The following SPOCK1 variants were observed in gnomAD, a reference collection of about 807,000 sequenced individuals.
SPOCK1 encodes testican-1.
Under a neutral mutation model 55.3 loss-of-function variants are expected in SPOCK1, and 23 were observed. The observed-to-expected ratio is 0.42, with a 90% CI of 0.30 to 0.59. The LOEUF is 0.59. Among genes scored for constraint, SPOCK1 ranks in the 20% least tolerant of loss-of-function variants. SPOCK1 has a pLI of 0.22. For synonymous variants in SPOCK1, 226 were observed against 221.0 expected, an observed-to-expected ratio of 1.02 and a Z score of -0.20; for missense variants, 499 against 552.5, an observed-to-expected ratio of 0.90 and a Z score of 0.97.
At chr5:137,203,052 G>A (rs903707224) in intron 3 of SPOCK1, among the ~76,000 whole-genome samples, 1 of 152,126 alleles carries the variant, frequency 6.6e-6, no homozygotes, top group African/African-American at 2.4e-5. Flanking sequence ...AACAAATGAT[G>A]ATAGTTCAGC....
intron 2 of SPOCK1, among the ~76,000 whole-genome samples, chr5:137,336,905 C>T (rs1229738): frequency 0.2 from 30,047 of 152,062 alleles, 3,094 homozygotes; most frequent in East Asian, 0.26. Context: ...AAAAGGGCTC[C>T]TAGGGCAGGT....
intron 6 of SPOCK1, among the ~76,000 whole-genome samples, chr5:137,053,777 T>C (rs2126999086): frequency 6.6e-6 from 1 of 152,256 alleles, no homozygotes; most frequent in East Asian, 1.9e-4. Flanking sequence ...TCCCTGTTTG[T>C]TATAAAAGCA....
At chr5:137,260,447 T>A (rs1756725065) in intron 3 of SPOCK1, among the ~76,000 whole-genome samples, 2 of 152,192 alleles carry the variant, frequency 1.3e-5, no homozygotes, top group Non-Finnish European at 2.9e-5. Context: ...GAGGGAAACA[T>A]TAATTTCTAT....
intron 5 of SPOCK1, among the ~76,000 whole-genome samples, chr5:137,079,027 C>T (rs973568056): frequency 4.6e-5 from 7 of 152,206 alleles, no homozygotes; most frequent in East Asian, 1.9e-4. Flanking sequence ...TTGCAGACCA[C>T]GCTTACTCCC....
chr5:136,983,209 T>TTATTTAGTGGAACAATC (rs1750766846), intron 9 of SPOCK1, among the ~76,000 whole-genome samples: 1 of 152,176 alleles, frequency 6.6e-6, no homozygotes, highest in Non-Finnish European at 1.5e-5. Context: ...AATTTGCCTT[T>TTATTTAGTGGAACAATC]TATTTAGTGG....
chr5:137,215,542 C>T (rs952951856), intron 3 of SPOCK1, among the ~76,000 whole-genome samples: 3 of 152,308 alleles, frequency 2.0e-5, no homozygotes, highest in East Asian at 1.9e-4. Context: ...TAATTTTACA[C>T]ATTTTTTATA....
chr5:137,188,737 A>C (rs1755120175), intron 3 of SPOCK1, among the ~76,000 whole-genome samples: 2 of 152,250 alleles, frequency 1.3e-5, no homozygotes, highest in African/African-American at 4.8e-5. Flanking sequence ...CTTTAAATCA[A>C]AAGCTATAAA....
At chr5:137,418,207 A>T (rs1433872942) in intron 2 of SPOCK1, among the ~76,000 whole-genome samples, 5 of 152,000 alleles carry the variant, frequency 3.3e-5, no homozygotes, top group South Asian at 2.1e-4. Context: ...TCTATCATTG[A>T]TGGACATTTG....
chr5:137,040,872 G>A (rs1237299808), intron 6 of SPOCK1, among the ~76,000 whole-genome samples: 3 of 152,114 alleles, frequency 2.0e-5, no homozygotes, highest in Non-Finnish European at 2.9e-5. Context: ...CACTGGCCAA[G>A]GAAATTGTTC....
At chr5:136,991,855 A>G (rs747792271) in intron 7 of SPOCK1, among the ~76,000 whole-genome samples, 15 of 152,174 alleles carry the variant, frequency 9.9e-5, no homozygotes, top group Non-Finnish European at 1.9e-4. Flanking sequence ...GTCTCTGCCA[A>G]CTCAGCACCT....
rs191209924 is a variant in SPOCK1, at chr5:137,128,304, G to A, written c.347+12276C>T. 2.3e-3 allele frequency among the ~76,000 whole-genome samples: 354 copies of A among 152,272 alleles called. 2 individuals carry two copies. The highest frequency in any genetic ancestry group is 7.5e-3 in the African/African-American group (310 of 41,562). Reference sequence around the variant, plus strand: ...TATAAGCTGCCCAGTCTATAGTATCGTCTTATAGCAACCCAAATGGACTAA... The same window carrying A: ...TATAAGCTGCCCAGTCTATAGTATCATCTTATAGCAACCCAAATGGACTAA... On this transcript the variant is annotated intron_variant, in intron 4 of 10. Coordinates refer to ENST00000394945, the MANE Select transcript of SPOCK1 (RefSeq NM_004598.4).
rs1011496067 is a variant in SPOCK1 at position 136,978,423 on chromosome 5, A to C, written c.*231T>G. On this transcript the variant is annotated 3_prime_UTR_variant, in exon 11 of 11. Transcript: ENST00000394945. ...CTCTAATTAAGCCAATGACTTCCCT[A>C]TCCAAAAAATAAACAACAACAAAAA... 12 of 396,744 alleles carry C rather than the reference A, an allele frequency of 3.0e-5. No homozygotes were observed. Among genetic ancestry groups the C allele is most frequent in the African/African-American group, 2.2e-4 (10 of 44,594 alleles). The allele number at this position is 396,744 out of a possible 1,614,324, so 24.6% of individuals were successfully genotyped here.
chr5:137,498,317 G>T (rs1754346147), intron 2 of SPOCK1, 56 bp downstream of exon 2: 1 of 1,478,402 alleles, frequency 6.8e-7, no homozygotes, highest in East Asian at 2.5e-5. Flanking sequence ...CCCCGCTTCA[G>T]GGGTCCCCTC....
chr5:137,044,653 A>T lies in SPOCK1; in HGVS notation c.589+23062T>A, dbSNP rs575218275. 2.0e-5 allele frequency among the ~76,000 whole-genome samples: 3 copies of T among 150,854 alleles called. No homozygotes were observed. In the East Asian group the frequency reaches 5.8e-4, roughly 29 times the overall value. ...ATAAATGACTATTTCTTTTTTTTTTATTATTATACTTTAAGTTTTAGGGTA... is the reference window on the plus strand; with the variant it reads ...ATAAATGACTATTTCTTTTTTTTTTTTTATTATACTTTAAGTTTTAGGGTA... On this transcript the variant is annotated intron_variant, in intron 6 of 10. Coordinates refer to ENST00000394945, the MANE Select transcript of SPOCK1 (RefSeq NM_004598.4).
intron 2 of SPOCK1, chr5:137,313,489 C>T: frequency 1.0e-6 from 1 of 985,428 alleles, no homozygotes; most frequent in African/African-American, 1.7e-5. Context: ...GTGACACCCA[C>T]CCAAAACAAG....
chr5:137,425,583 C>T (rs751365288), intron 2 of SPOCK1, among the ~76,000 whole-genome samples: 25 of 152,172 alleles, frequency 1.6e-4, no homozygotes, highest in African/African-American at 4.1e-4. Flanking sequence ...TGTGTTTGCA[C>T]GCCAGTGTCT....
intron 4 of SPOCK1, among the ~76,000 whole-genome samples, chr5:137,119,855 T>G (rs191674035): frequency 1.6e-3 from 251 of 152,326 alleles, no homozygotes; most frequent in African/African-American, 5.8e-3. Flanking sequence ...CCATAATAGC[T>G]CACATGTGTC....
chr5:137,457,568 C>T (rs1753391737), intron 2 of SPOCK1, among the ~76,000 whole-genome samples: 1 of 152,144 alleles, frequency 6.6e-6, no homozygotes, highest in Non-Finnish European at 1.5e-5. Context: ...TGCAAAGATG[C>T]CCCTGGAGGT....
intron 6 of SPOCK1, among the ~76,000 whole-genome samples, chr5:137,050,507 G>A (rs1010070673): frequency 4.0e-5 from 6 of 150,748 alleles, no homozygotes; most frequent in African/African-American, 7.3e-5. Context: ...GCTCGCGCAC[G>A]GTGCGCGCAC....
Sources: gnomAD v4.1 joint callset for allele counts (sites outside exome capture counted in the v4.1 genomes callset) on GRCh38, gnomAD v4.1.1 for gene constraint, MANE v1.5 for transcripts, NCBI Gene and HGNC (gene_info 2026-07-23, HGNC 2026-07-21) for gene names.